The following PRMT8 variants were observed in gnomAD, a reference collection of about 807,000 sequenced individuals.
PRMT8 encodes the protein protein arginine N-methyltransferase 8.
A neutral mutation model predicts 47.1 loss-of-function variants in PRMT8; 7 were observed. That is an observed-to-expected ratio of 0.15 (90% CI 0.08 to 0.28). The LOEUF is 0.28. Among genes scored for constraint, PRMT8 ranks in the 10% least tolerant of loss-of-function variants. PRMT8 has a pLI of 1.00. For missense variants in PRMT8, 237 were observed against 505.4 expected (o/e 0.47, Z 5.09); for synonymous variants, 188 against 186.5 (o/e 1.01, Z -0.07).
chr12:3,548,472 A>T (rs1019922346), intron 2 of PRMT8, among the ~76,000 whole-genome samples: 1 of 152,256 alleles, frequency 6.6e-6, no homozygotes, highest in African/African-American at 2.4e-5. Flanking sequence ...TATAAACTGC[A>T]ATTCAGTAAG....
At chr12:3,407,431 A>G (rs1864383900) in intron 1 of PRMT8, among the ~76,000 whole-genome samples, 1 of 151,922 alleles carries the variant, frequency 6.6e-6, no homozygotes, top group Non-Finnish European at 1.5e-5. Context: ...ATCTCATCCC[A>G]TTCTATCCTG....
At chr12:3,586,227 A>G (rs1416481799) in intron 8 of PRMT8, among the ~76,000 whole-genome samples, 1 of 152,134 alleles carries the variant, frequency 6.6e-6, no homozygotes, top group African/African-American at 2.4e-5. Context: ...TCATGGTCCC[A>G]TGTGGAGGAG....
At chr12:3,531,189 T>A (rs1866025658) in intron 1 of PRMT8, among the ~76,000 whole-genome samples, 1 of 152,174 alleles carries the variant, frequency 6.6e-6, no homozygotes, top group African/African-American at 2.4e-5. Flanking sequence ...GAGAGGACAC[T>A]GGCTGTGTGT....
chr12:3,542,659 A>G (rs2137167383), intron 2 of PRMT8, among the ~76,000 whole-genome samples: 1 of 152,164 alleles, frequency 6.6e-6, no homozygotes, highest in South Asian at 2.1e-4. Flanking sequence ...CCAAACAACC[A>G]TGAGGTGCAC....
Position 3,535,626 on chromosome 12 carries a change from G to C in PRMT8, c.76-4980G>C, listed in dbSNP as rs772516539. On this transcript the variant is annotated intron_variant, in intron 1 of 9. Coordinates refer to ENST00000382622, the MANE Select transcript of PRMT8 (RefSeq NM_019854.5). The surrounding 1 kb of genome is among the most constrained non-coding windows in gnomAD (Gnocchi z 4.7). ...GGCGATGGTGCAGAAACAGGTACCA[G>C]AACCGACTCCAGGGCAGAGCAGGCA... Among the ~76,000 whole-genome samples, 19 of 152,094 alleles carry C rather than the reference G, an allele frequency of 1.2e-4. No homozygotes were observed. Among genetic ancestry groups the C allele is most frequent in the Non-Finnish European group, 2.1e-4 (14 of 68,012 alleles).
intron 4 of PRMT8, among the ~76,000 whole-genome samples, chr12:3,558,380 C>T (rs1301314543): frequency 1.3e-5 from 2 of 152,154 alleles, no homozygotes; most frequent in Non-Finnish European, 2.9e-5. Flanking sequence ...TCCGTCATCC[C>T]TGAATACATT....
intron 1 of PRMT8, among the ~76,000 whole-genome samples, chr12:3,413,796 A>C (rs887573117): frequency 6.6e-6 from 1 of 152,262 alleles, no homozygotes; most frequent in Admixed American, 6.5e-5. Context: ...GCAAATTAAA[A>C]ATACAGTATA....
chr12:3,420,144 A>C (rs1170387727), intron 1 of PRMT8, among the ~76,000 whole-genome samples: 1 of 151,994 alleles, frequency 6.6e-6, no homozygotes, highest in Non-Finnish European at 1.5e-5. Context: ...ACTCAAGAGC[A>C]TTGGCACGAG....
chr12:3,539,940 C>T lies in PRMT8; in HGVS notation c.76-666C>T, dbSNP rs548253723. Among the ~76,000 whole-genome samples the T allele has an allele frequency of 2.6e-5, 4 of 152,326 alleles. No homozygotes were observed. The East Asian group carries it at 7.7e-4, about 29-fold the overall frequency. ...TGCATTTTGGGGGCCGTATCCTCTT[C>T]TAGCTTGATGCTGCCTGTTGAGTGG... On this transcript the variant is annotated intron_variant, in intron 1 of 9. Transcript: ENST00000382622.
At chr12:3,462,512 T>C (rs1865052835) in intron 1 of PRMT8, among the ~76,000 whole-genome samples, 1 of 151,968 alleles carries the variant, frequency 6.6e-6, no homozygotes, top group Non-Finnish European at 1.5e-5. Flanking sequence ...TATGTGGCAA[T>C]AGCAAGCAGT....
intron 1 of PRMT8, among the ~76,000 whole-genome samples, chr12:3,519,847 C>T (rs532469012): frequency 1.3e-5 from 2 of 152,236 alleles, no homozygotes; most frequent in Admixed American, 1.3e-4. Flanking sequence ...CATGGTTGCT[C>T]GGCTGCTCTT....
chr12:3,523,698 A>C (rs1385293876), intron 1 of PRMT8, among the ~76,000 whole-genome samples: 1 of 152,212 alleles, frequency 6.6e-6, no homozygotes, highest in Admixed American at 6.5e-5. Flanking sequence ...GTTTCCCCTG[A>C]AATGGAATAC....
chr12:3,583,318 CTGGG>C lies in PRMT8; in HGVS notation c.979+113_979+116del. 3.2e-6 allele frequency: 4 copies of C among 1,233,930 alleles called. No homozygotes were observed. Among genetic ancestry groups the C allele is most frequent in the Non-Finnish European group, 4.5e-6 (4 of 897,592 alleles). The allele number at this position is 1,233,930 out of a possible 1,614,324, so 76.4% of individuals were successfully genotyped here. Reference sequence around the variant, plus strand: ...TTGGGGAGAAGGGGCTGGGTGTTAGCTGGGTGACACCTATCAACCCTCTCCAGCC... The same window carrying C: ...TTGGGGAGAAGGGGCTGGGTGTTAGCTGACACCTATCAACCCTCTCCAGCC... On this transcript the variant is annotated intron_variant, in intron 8 of 9. Transcript: ENST00000382622. The surrounding 1 kb of genome is among the most constrained non-coding windows in gnomAD (Gnocchi z 4.7).
intron 1 of PRMT8, among the ~76,000 whole-genome samples, chr12:3,388,752 C>T (rs986725491): frequency 6.6e-6 from 1 of 152,216 alleles, no homozygotes; most frequent in African/African-American, 2.4e-5. Flanking sequence ...CTACACTGCA[C>T]TAGCTGAAAG....
chr12:3,462,848 T>C (rs1323553207), intron 1 of PRMT8: 3 of 152,002 alleles, frequency 2.0e-5, no homozygotes, highest in Non-Finnish European at 4.4e-5. Context: ...CCAAAAAGTA[T>C]GTGTTAGACA....
At chr12:3,586,956 T>C (rs1565450469) in intron 8 of PRMT8, among the ~76,000 whole-genome samples, 2 of 152,168 alleles carry the variant, frequency 1.3e-5, no homozygotes, top group Non-Finnish European at 2.9e-5. Context: ...CGTGTCAGCG[T>C]GGGGGCTCTG....
In PRMT8 at chr12:3,491,418, C is replaced by G; in HGVS notation, c.-208C>G. The stretch of plus-strand genomic sequence containing the variant: ...AGAACTTGAAACCGTGTGAAGGAAT[C>G]CGGAGCAGATGAGAAGGGAGGAAAA... On this transcript the variant is annotated 5_prime_UTR_variant, in exon 1 of 10. It adds an upstream start codon to the 5' untranslated region. Transcript: ENST00000382622. The G allele has an allele frequency of 7.5e-7, 1 of 1,339,170 alleles. No individual in the cohort carries two copies. The highest frequency in any genetic ancestry group is 2.8e-4 in the Middle Eastern group (1 of 3,538). 83.0% of individuals were successfully genotyped at this position (1,339,170 alleles called of 1,614,324 possible).
At chr12:3,541,407 G>T (rs796977189) in intron 2 of PRMT8, among the ~76,000 whole-genome samples, 45 of 152,260 alleles carry the variant, frequency 3.0e-4, no homozygotes, top group African/African-American at 9.9e-4. Flanking sequence ...GGGGCCTAAT[G>T]GTGCCCCTAC....
rs548314402 is a variant in PRMT8 at position 3,540,526 on chromosome 12, G to A, written c.76-80G>A. 62 of 953,276 alleles carry A rather than the reference G, an allele frequency of 6.5e-5. 2 individuals carry two copies. The South Asian group carries it at 9.1e-4, about 14-fold the overall frequency. 59.1% of individuals were successfully genotyped at this position (953,276 alleles called of 1,614,324 possible). A position where few individuals can be genotyped will look rare whatever the true frequency, so the allele number is the denominator to read the frequency against. The stretch of plus-strand genomic sequence containing the variant: ...GCTTGAGGCCGGGCTCAGGGAGGGG[G>A]AAGGAAAGAGGACCGCAAGCCTCCG... On this transcript the variant is annotated intron_variant, in intron 1 of 9. Transcript: ENST00000382622.
Sources: allele counts gnomAD v4.1 joint callset (sites outside exome capture counted in the v4.1 genomes callset), GRCh38; gene constraint gnomAD v4.1.1; non-coding constraint Gnocchi (gnomAD v3.1); transcripts MANE v1.5; gene names NCBI Gene and HGNC (gene_info 2026-07-23, HGNC 2026-07-21).